TEX14: variants seen among roughly 807,000 people sequenced by gnomAD.
TEX14 encodes inactive serine/threonine-protein kinase TEX14.
TEX14 carries 168 observed loss-of-function variants against 178.6 expected under a neutral mutation model. The ratio of observed to expected loss-of-function variants is 0.94; its 90% CI spans 0.83 to 1.07. TEX14 has a LOEUF of 1.07. TEX14 is among the 50% of genes least tolerant of loss of function. The pLI is 0.00. For synonymous variants in TEX14, 626 were observed against 634.1 expected (o/e 0.99, Z 0.19); for missense variants, 1,730 against 1,753.6 (o/e 0.99, Z 0.24).
chr17:58,691,806 A>C (rs984161888), intron 1 of TEX14, 133 bp downstream of exon 1: 1 of 152,156 alleles, frequency 6.6e-6, no homozygotes, highest in Admixed American at 6.6e-5. Flanking sequence ...TCTGTAATTT[A>C]GAGGCGGTCA....
intron 1 of TEX14, chr17:58,659,314 T>G: frequency 1.0e-6 from 1 of 979,128 alleles, no homozygotes; most frequent in Non-Finnish European, 1.2e-6. Flanking sequence ...ATTATTTACT[T>G]AATATTGCTA....
chr17:58,585,776 T>C, intron 18 of TEX14, 25 bp downstream of exon 18: 2 of 1,612,662 alleles, frequency 1.2e-6, no homozygotes, highest in Non-Finnish European at 1.7e-6. Flanking sequence ...AGTTCACCTA[T>C]CCTGATTCCC....
intron 1 of TEX14, chr17:58,679,629 C>CT (rs1192152260): frequency 1.3e-5 from 2 of 152,230 alleles, no homozygotes; most frequent in East Asian, 3.8e-4. Context: ...ATGCAAGAGA[C>CT]AAACCTCACC....
intron 19 of TEX14, 23 bp from the exon 20 acceptor site, chr17:58,579,754 CAAAG>C (rs1228255851): frequency 6.3e-7 from 1 of 1,598,590 alleles, no homozygotes; most frequent in African/African-American, 1.3e-5. Flanking sequence ...AAAAGAAAAG[CAAAG>C]AAAGGAGGTT....
At chr17:58,573,444 T>C (rs2044590805) in intron 22 of TEX14, 136 bp from the exon 23 acceptor site, 2 of 724,452 alleles carry the variant, frequency 2.8e-6, no homozygotes, top group East Asian at 5.1e-5. Flanking sequence ...GAGAATATCT[T>C]AGAACATCTT....
In TEX14 at chr17:58,615,225, T is replaced by G; in HGVS notation, c.881+7A>C. On this transcript the variant is annotated splice_region_variant and intron_variant, in intron 8 of 31. Coordinates refer to ENST00000349033, the MANE Select transcript of TEX14 (RefSeq NM_031272.5). ...GACCTATAAGGGGCCTTGGGCTTCC[T>G]TCTCACCTGCTGTGTTCCTGCTCGG... 1 of 1,592,544 alleles carries G rather than the reference T, an allele frequency of 6.3e-7. No homozygotes were observed. The highest frequency in any genetic ancestry group is 1.1e-5 in the South Asian group (1 of 90,550).
chr17:58,623,757 AAGGAGAAGAAGGAGGAGG>A (rs1403397857), intron 3 of TEX14, among the ~76,000 whole-genome samples: 1 of 146,744 alleles, frequency 6.8e-6, no homozygotes, highest in Non-Finnish European at 1.5e-5. Context: ...AAGAAGAAAG[AAGGAGAAGAAGGAGGAGG>A]AGGAGAAGAA....
chr17:58,631,653 G>T (rs182609372), intron 2 of TEX14: 1 of 149,154 alleles, frequency 6.7e-6, no homozygotes, highest in African/African-American at 2.5e-5. Flanking sequence ...TACTCAGACT[G>T]CCTTCTCTAG....
intron 15 of TEX14, among the ~76,000 whole-genome samples, chr17:58,590,176 G>A (rs1048422025): frequency 1.7e-4 from 26 of 149,250 alleles, no homozygotes; most frequent in South Asian, 8.6e-4. Flanking sequence ...CAGGAGAATC[G>A]CTTGAACCCA....
intron 15 of TEX14, among the ~76,000 whole-genome samples, chr17:58,591,295 A>G (rs1316996009): frequency 6.6e-6 from 1 of 152,170 alleles, no homozygotes; most frequent in Non-Finnish European, 1.5e-5. Context: ...AGGTGGGTGG[A>G]TCACCTGAGG....
chr17:58,621,611 TGATGGA>T, intron 5 of TEX14, 33 bp downstream of exon 5: 1 of 1,566,138 alleles, frequency 6.4e-7, no homozygotes, highest in Non-Finnish European at 8.7e-7. Flanking sequence ...GAAGGCTGGG[TGATGGA>T]GACTATCCCA....
At chr17:58,629,488 A>C (rs1419954669) in intron 3 of TEX14, among the ~76,000 whole-genome samples, 1 of 145,146 alleles carries the variant, frequency 6.9e-6, no homozygotes, top group Non-Finnish European at 1.5e-5. Flanking sequence ...GTAGATGTTC[A>C]CCTGTCACTG....
intron 2 of TEX14, among the ~76,000 whole-genome samples, chr17:58,639,591 T>C (rs1373805695): frequency 6.6e-6 from 1 of 152,082 alleles, no homozygotes; most frequent in African/African-American, 2.4e-5. Flanking sequence ...TCCCAGCTAC[T>C]TGGGAGGCTG....
intron 1 of TEX14, among the ~76,000 whole-genome samples, chr17:58,659,970 T>C (rs541380532): frequency 1.3e-5 from 2 of 150,840 alleles, no homozygotes; most frequent in African/African-American, 4.9e-5. Context: ...GTGCTGGGAT[T>C]ACAGACATAA....
intron 2 of TEX14, among the ~76,000 whole-genome samples, chr17:58,638,356 TA>T (rs11307937): frequency 0.64 from 96,050 of 150,096 alleles, 30,888 homozygotes; most frequent in African/African-American, 0.71. Context: ...TACAATAAAT[TA>T]AAAAAAAAAA....
intron 6 of TEX14, among the ~76,000 whole-genome samples, chr17:58,617,185 T>C (rs928132534): frequency 4.6e-5 from 7 of 151,912 alleles, no homozygotes; most frequent in African/African-American, 1.7e-4. Context: ...TAGGCAGAGG[T>C]TGCAGCAGTG....
In TEX14 at chr17:58,639,505, A is replaced by C. The variant is rs999547683; in HGVS notation, c.137-8951T>G. Among the ~76,000 whole-genome samples, 5 of 152,026 alleles carry C rather than the reference A, an allele frequency of 3.3e-5. No individual in the cohort carries two copies. In the East Asian group the frequency reaches 9.8e-4, roughly 30 times the overall value. ...CACCTGAGGTCAGGAGTTCAAGACT[A>C]GCCTGACCAACATAGAGAAACCACG... On this transcript the variant is annotated intron_variant, in intron 2 of 31. Coordinates refer to ENST00000349033, the MANE Select transcript of TEX14 (RefSeq NM_031272.5).
intron 14 of TEX14, among the ~76,000 whole-genome samples, chr17:58,596,108 G>A (rs912346450): frequency 1.9e-4 from 29 of 152,104 alleles, no homozygotes; most frequent in Admixed American, 1.2e-3. Flanking sequence ...GCTTGAACCC[G>A]GGAGGTGGAA....
At chr17:58,630,585 T>G (rs773960072) in intron 2 of TEX14, 31 bp from the exon 3 acceptor site, 1 of 1,521,530 alleles carries the variant, frequency 6.6e-7, no homozygotes, top group Non-Finnish European at 9.1e-7. Flanking sequence ...TCAATGCAAA[T>G]ATCAGAAAAT....
Sources: gnomAD v4.1 joint callset for allele counts (sites outside exome capture counted in the v4.1 genomes callset) on GRCh38, gnomAD v4.1.1 for gene constraint, MANE v1.5 for transcripts, NCBI Gene and HGNC (gene_info 2026-07-23, HGNC 2026-07-21) for gene names.